RIPOR2: variants seen among roughly 807,000 people sequenced by gnomAD.
RIPOR2 encodes RHO family interacting cell polarization regulator 2.
A neutral mutation model predicts 114.5 loss-of-function variants in RIPOR2; 39 were observed. The ratio of observed to expected loss-of-function variants is 0.34; its 90% confidence interval spans 0.26 to 0.44. RIPOR2 has a LOEUF of 0.44. Among genes scored for constraint, RIPOR2 ranks in the 20% least tolerant of loss-of-function variants. RIPOR2 has a pLI of 1.00. For synonymous variants in RIPOR2, 445 were observed against 484.4 expected (o/e 0.92, Z 1.07); for missense variants, 1,007 against 1,255.1 (o/e 0.80, Z 2.99).
At chr6:24,825,154 C>T (rs565624066) in intron 19 of RIPOR2, 72 bp downstream of exon 19, 12 of 1,095,448 alleles carry the variant, frequency 1.1e-5, no homozygotes, top group Middle Eastern at 3.0e-4. Context: ...GGAATAAATG[C>T]TAAAATATTA....
At chr6:24,811,353 C>T (rs1781146644) in intron 20 of RIPOR2, among the ~76,000 whole-genome samples, 1 of 150,150 alleles carries the variant, frequency 6.7e-6, no homozygotes, top group Non-Finnish European at 1.5e-5. Context: ...CCTGCCTCAG[C>T]CTCCCCAGTA....
At chr6:24,952,737 T>C (rs1427122835) in intron 1 of RIPOR2, among the ~76,000 whole-genome samples, 1 of 152,238 alleles carries the variant, frequency 6.6e-6, no homozygotes, top group Non-Finnish European at 1.5e-5. Context: ...TTTCTGAAAC[T>C]AACAACTGGC....
chr6:24,872,590 GT>G (rs1481517960), intron 4 of RIPOR2, among the ~76,000 whole-genome samples: 10 of 152,118 alleles, frequency 6.6e-5, no homozygotes, highest in African/African-American at 2.2e-4. Context: ...ATTTAGGAGG[GT>G]GGTAGAGGAC....
rs138064502 is a variant in RIPOR2, at chr6:24,997,077, A to G, written c.76+44774T>C. On this transcript the variant is annotated intron_variant, in intron 1 of 13. Coordinates refer to the RIPOR2 transcript ENST00000510784. ...TTACTAACTAGCGAGGATGGAGTCC[A>G]ATGATTTTCAACCTTGTCTGCTCAT... is the stretch of plus-strand genomic sequence containing the variant. Among the ~76,000 whole-genome samples, 204 of 152,352 alleles carry G rather than the reference A, an allele frequency of 1.3e-3. 1 individual carries two copies. Among genetic ancestry groups the G allele is most frequent in the African/African-American group, 4.7e-3 (195 of 41,582 alleles).
intron 1 of RIPOR2, among the ~76,000 whole-genome samples, chr6:24,913,871 A>G (rs1237596174): frequency 3.9e-5 from 6 of 152,166 alleles, no homozygotes; most frequent in African/African-American, 1.4e-4. Context: ...CCAGGGAAAC[A>G]GTGAAGCCTA....
chr6:24,954,619 C>A (rs1441767522), intron 1 of RIPOR2, among the ~76,000 whole-genome samples: 1 of 151,902 alleles, frequency 6.6e-6, no homozygotes, highest in South Asian at 2.1e-4. Context: ...CCATGCCTGG[C>A]AAATTTTTTG....
At chr6:24,840,910 G>A in intron 13 of RIPOR2, 3 of 824,484 alleles carry the variant, frequency 3.6e-6, no homozygotes, top group Non-Finnish European at 5.7e-6. Flanking sequence ...GGGGGAGACA[G>A]GGAGTCGGTC....
rs926610580 is a variant in RIPOR2 at position 24,882,298 on chromosome 6, A to T, written c.62-6481T>A. Among the ~76,000 whole-genome samples the T allele has an allele frequency of 2.0e-5, 3 of 152,222 alleles. No individual in the cohort carries two copies. The South Asian group carries it at 6.2e-4, about 31-fold the overall frequency. ...TCAGCAATTTCACTACGAGACAGGT[A>T]AGGCTAGATATATATATTAAAGTAA... On this transcript the variant is annotated intron_variant, in intron 1 of 21. Transcript: ENST00000643898.
At chr6:24,907,901 C>A (rs1231879066) in intron 1 of RIPOR2, among the ~76,000 whole-genome samples, 1 of 152,092 alleles carries the variant, frequency 6.6e-6, no homozygotes, top group Non-Finnish European at 1.5e-5. Flanking sequence ...CTTTATGAGA[C>A]CATTCTACAC....
intron 1 of RIPOR2, among the ~76,000 whole-genome samples, chr6:24,943,144 T>C (rs1772226959): frequency 6.6e-6 from 1 of 152,186 alleles, no homozygotes; most frequent in Admixed American, 6.5e-5. Context: ...ATATACACCA[T>C]AGAATACTAT....
intron 1 of RIPOR2, among the ~76,000 whole-genome samples, chr6:24,893,442 T>C (rs1039143474): frequency 1.3e-5 from 2 of 152,194 alleles, no homozygotes; most frequent in Non-Finnish European, 2.9e-5. Flanking sequence ...GGACATAGAC[T>C]GTAGGCAATA....
upstream of RIPOR2, chr6:24,935,969 A>C (rs1771781835): frequency 8.4e-7 from 1 of 1,183,858 alleles, no homozygotes; most frequent in African/African-American, 1.5e-5. Context: ...CTGCCGACCG[A>C]GGTGATTTCC....
chr6:24,811,526 T>A (rs1002823529), intron 20 of RIPOR2, among the ~76,000 whole-genome samples: 1 of 151,888 alleles, frequency 6.6e-6, no homozygotes, highest in Non-Finnish European at 1.5e-5. Context: ...CATGAGCCAC[T>A]GCACCTGGCC....
chr6:25,024,822 A>G (rs1035401059), intron 1 of RIPOR2, among the ~76,000 whole-genome samples: 3 of 152,206 alleles, frequency 2.0e-5, no homozygotes, highest in Non-Finnish European at 4.4e-5. Flanking sequence ...GATTTTGCCA[A>G]TGCTTTGCCT....
In RIPOR2 at chr6:24,843,517, G is replaced by A. The variant is rs1286848186; in HGVS notation, c.1202C>T (p.Ala401Val). 11 of 1,532,554 alleles carry A rather than the reference G, an allele frequency of 7.2e-6. No homozygotes were observed. In the East Asian group the frequency reaches 2.5e-4, roughly 35 times the overall value. The allele number at this position is 1,532,554 out of a possible 1,614,324, so 94.9% of individuals were successfully genotyped here. A position where few individuals can be genotyped will look rare whatever the true frequency, so the allele number is the denominator to read the frequency against. ...CGACAGTGGCATTTTCTCCTCGGCT[G>A]CCTTTCCATTTTCAAAGATGTCATC... is the stretch of plus-strand genomic sequence containing the variant. Reference protein sequence around the residue: ...LPDDIFENGKAAEEKMPLSLS... With the variant: ...LPDDIFENGKVAEEKMPLSLS... The change falls in exon 13 of 22, where the codon GCA becomes GTA. Residue 401 changes from alanine (A) to valine (V), a missense_variant. Ala to Val is a moderately conservative substitution (Grantham distance 64). Coordinates refer to ENST00000643898, the MANE Select transcript of RIPOR2 (RefSeq NM_001286445.3).
intron 1 of RIPOR2, among the ~76,000 whole-genome samples, chr6:24,988,660 A>G (rs1581918050): frequency 7.8e-6 from 1 of 128,280 alleles, no homozygotes. Flanking sequence ...CTTTTTTCCC[A>G]ACATCTGGTT....
chr6:25,014,641 C>T (rs557060644), intron 1 of RIPOR2, among the ~76,000 whole-genome samples: 14 of 152,266 alleles, frequency 9.2e-5, no homozygotes, highest in Non-Finnish European at 1.8e-4. Context: ...GTTTCATTTC[C>T]TCTATTTGCC....
intron 1 of RIPOR2, among the ~76,000 whole-genome samples, chr6:25,033,782 A>G (rs1446098789): frequency 6.6e-6 from 1 of 152,248 alleles, no homozygotes; most frequent in South Asian, 2.1e-4. Flanking sequence ...TACACAATAT[A>G]GTTTTAGAAT....
chr6:24,948,641 C>CT (rs1772587700), intron 1 of RIPOR2, among the ~76,000 whole-genome samples: 1 of 152,106 alleles, frequency 6.6e-6, no homozygotes, highest in South Asian at 2.1e-4. Context: ...AAGAGATTCT[C>CT]TTGCCTCAGC....
Sources: gnomAD v4.1 joint callset for allele counts (sites outside exome capture counted in the v4.1 genomes callset) on GRCh38, gnomAD v4.1.1 for gene constraint, MANE v1.5 for transcripts, NCBI Gene and HGNC (gene_info 2026-07-23, HGNC 2026-07-21) for gene names.